Variants in SLIT3 observed in about 807,000 individuals in gnomAD.
The protein encoded by SLIT3 is slit guidance ligand 3.
In SLIT3, 68 loss-of-function variants were observed where a neutral mutation model predicts 184.0. The observed-to-expected ratio is 0.37, with a 90% confidence interval of 0.30 to 0.45. The LOEUF (loss-of-function observed/expected upper bound fraction) is 0.45, where lower values mean the gene tolerates loss of function less well. SLIT3 is among the 20% of genes least tolerant of loss of function. The pLI, the probability that SLIT3 is intolerant of heterozygous loss-of-function variation, is 1.00. For synonymous variants in SLIT3, 831 were observed against 828.6 expected (o/e 1.00, Z -0.05); for missense variants, 1,707 against 2,026.0 (o/e 0.84, Z 3.02).
At chr5:168,798,637 C>A (rs983210747) in intron 9 of SLIT3, among the ~76,000 whole-genome samples, 2 of 152,068 alleles carry the variant, frequency 1.3e-5, no homozygotes, top group Non-Finnish European at 2.9e-5. Context: ...TGAGGGTCAA[C>A]CCTGCCCCAG....
chr5:169,172,159 A>G (rs1406613069), intron 4 of SLIT3, among the ~76,000 whole-genome samples: 1 of 152,214 alleles, frequency 6.6e-6, no homozygotes, highest in African/African-American at 2.4e-5. Context: ...TAAGGTTCTC[A>G]AAGGCCATGT....
intron 1 of SLIT3, among the ~76,000 whole-genome samples, chr5:169,273,372 G>A (rs546040472): frequency 1.3e-5 from 2 of 152,338 alleles, no homozygotes; most frequent in South Asian, 4.1e-4. Flanking sequence ...CAAGAGGCGT[G>A]CATAGCTTCC....
chr5:169,151,141 G>A lies in SLIT3; in HGVS notation c.413+42338C>T, dbSNP rs542615588. Among the ~76,000 whole-genome samples the A allele has an allele frequency of 3.3e-5, 5 of 152,286 alleles. No individual in the cohort carries two copies. The South Asian group carries it at 1.0e-3, about 32-fold the overall frequency. ...AAGTGAAAGGGACACCAGGATCGAC[G>A]TTTGAAACAGAAGCAGTGACCACCC... On this transcript the variant is annotated intron_variant, in intron 4 of 35. Transcript: ENST00000519560.
At chr5:168,984,376 A>G (rs1340458022) in intron 4 of SLIT3, among the ~76,000 whole-genome samples, 1 of 152,110 alleles carries the variant, frequency 6.6e-6, no homozygotes, top group Non-Finnish European at 1.5e-5. Context: ...GCATTTCCTA[A>G]ATGAGAACCA....
chr5:169,198,749 T>C lies in SLIT3; in HGVS notation c.342-5199A>G, dbSNP rs534424418. On this transcript the variant is annotated intron_variant, in intron 3 of 35. Transcript: ENST00000519560. ...GAGCTCGAGACCAGCCTGGCCAACA[T>C]GGTGAAACCCCGTCTCTACTAAAAA... Among the ~76,000 whole-genome samples, 719 of 152,100 alleles carry C rather than the reference T, an allele frequency of 4.7e-3. 18 individuals are homozygous for C. The highest frequency in any genetic ancestry group is 3.4e-3 in the Middle Eastern group (1 of 294).
At chr5:169,097,970 A>G (rs1189529146) in intron 4 of SLIT3, among the ~76,000 whole-genome samples, 2 of 152,178 alleles carry the variant, frequency 1.3e-5, no homozygotes, top group Non-Finnish European at 2.9e-5. Context: ...GGCTATTCAA[A>G]ATGTTCTTTT....
chr5:169,003,002 G>A (rs1468599691), intron 4 of SLIT3, among the ~76,000 whole-genome samples: 1 of 152,184 alleles, frequency 6.6e-6, no homozygotes, highest in Non-Finnish European at 1.5e-5. Flanking sequence ...AACTACCAGT[G>A]GGGCACTTAT....
intron 4 of SLIT3, among the ~76,000 whole-genome samples, chr5:169,181,639 G>T (rs1763159255): frequency 6.6e-6 from 1 of 151,906 alleles, no homozygotes. Flanking sequence ...TACTCAGGAG[G>T]CTGAGGCAGG....
intron 4 of SLIT3, among the ~76,000 whole-genome samples, chr5:169,045,837 C>T (rs540808736): frequency 6.6e-6 from 1 of 152,294 alleles, no homozygotes; most frequent in African/African-American, 2.4e-5. Context: ...TACCATACAC[C>T]GAGTCAGATT....
chr5:169,154,466 G>A (rs577979029), intron 4 of SLIT3, among the ~76,000 whole-genome samples: 1 of 152,336 alleles, frequency 6.6e-6, no homozygotes, highest in Non-Finnish European at 1.5e-5. Flanking sequence ...TCTAGGTCCA[G>A]CTCCTGCCTG....
intron 9 of SLIT3, among the ~76,000 whole-genome samples, chr5:168,801,549 C>G (rs904453534): frequency 6.6e-6 from 1 of 152,126 alleles, no homozygotes. Flanking sequence ...ATACGAGACA[C>G]GGGATACCAC....
chr5:168,728,361 A>C (rs1763200631), intron 20 of SLIT3, among the ~76,000 whole-genome samples: 1 of 151,840 alleles, frequency 6.6e-6, no homozygotes, highest in East Asian at 1.9e-4. Flanking sequence ...AGTGACTGCT[A>C]CACCAGATGT....
intron 31 of SLIT3, among the ~76,000 whole-genome samples, chr5:168,684,581 T>C (rs1404622095): frequency 6.6e-6 from 1 of 152,130 alleles, no homozygotes; most frequent in Non-Finnish European, 1.5e-5. Flanking sequence ...GCGTTTCTGG[T>C]GCCTCAGCCT....
At chr5:169,214,693 T>G (rs778949715) in intron 3 of SLIT3, among the ~76,000 whole-genome samples, 4 of 152,196 alleles carry the variant, frequency 2.6e-5, no homozygotes, top group Non-Finnish European at 5.9e-5. Context: ...GATATGCTGC[T>G]CTGCAATGAA....
In SLIT3 at chr5:169,103,635, C is replaced by T. The variant is rs533037084; in HGVS notation, c.413+89844G>A. On this transcript the variant is annotated intron_variant, in intron 4 of 35. Transcript: ENST00000519560. ...TTCCCCAGGGTGGGCATGCTGTTAC[C>T]GGGAGGTGGGTGGGTCTGCCACGTT... Among the ~76,000 whole-genome samples the T allele has an allele frequency of 7.9e-5, 12 of 152,286 alleles. No individual in the cohort carries two copies. The South Asian group carries it at 8.3e-4, about 11-fold the overall frequency.
At chr5:168,810,053 C>T (rs572564446) in intron 8 of SLIT3, among the ~76,000 whole-genome samples, 3 of 152,202 alleles carry the variant, frequency 2.0e-5, no homozygotes, top group Admixed American at 1.3e-4. Flanking sequence ...GTGTCCTAAG[C>T]AGTCTACTGA....
intron 4 of SLIT3, among the ~76,000 whole-genome samples, chr5:169,077,043 T>A (rs1269073480): frequency 6.6e-6 from 1 of 152,158 alleles, no homozygotes; most frequent in East Asian, 1.9e-4. Context: ...ATCACTTGTA[T>A]GTGGATTTTC....
chr5:169,140,965 C>A (rs1761713475), intron 4 of SLIT3, among the ~76,000 whole-genome samples: 1 of 152,206 alleles, frequency 6.6e-6, no homozygotes, highest in African/African-American at 2.4e-5. Flanking sequence ...ATCTTGTCAT[C>A]TTCATGCCCT....
intron 4 of SLIT3, among the ~76,000 whole-genome samples, chr5:168,996,878 C>T (rs185380722): frequency 5.5e-4 from 83 of 152,212 alleles, no homozygotes; most frequent in Admixed American, 1.9e-3. Context: ...TGGCCTGAGC[C>T]GGGTGGAGTG....
Sources: gnomAD v4.1 joint callset for allele counts (sites outside exome capture counted in the v4.1 genomes callset) on GRCh38, gnomAD v4.1.1 for gene constraint, MANE v1.5 for transcripts, NCBI Gene and HGNC (gene_info 2026-07-23, HGNC 2026-07-21) for gene names.